Variants in NEBL observed in about 807,000 individuals in gnomAD.
The protein encoded by NEBL is LIM and SH3 protein 2.
Under a neutral mutation model 140.2 loss-of-function variants are expected in NEBL, and 122 were observed. The observed-to-expected ratio is 0.87, with a 90% CI of 0.75 to 1.01. The LOEUF (loss-of-function observed/expected upper bound fraction) is 1.01, where lower values mean the gene tolerates loss of function less well. Ranked by LOEUF, NEBL falls within the 50% of genes least tolerant of loss-of-function variation. NEBL has a pLI of 0.00. For synonymous variants in NEBL, 436 were observed against 398.9 expected (o/e 1.09, Z -1.11); for missense variants, 1,365 against 1,231.3 (o/e 1.11, Z -1.62).
intron 2 of NEBL, among the ~76,000 whole-genome samples, chr10:21,057,970 A>C (rs984897879): frequency 1.3e-5 from 2 of 152,198 alleles, no homozygotes; most frequent in African/African-American, 4.8e-5. Flanking sequence ...CTCCACCATC[A>C]AAAGGGAAAG....
At chr10:21,136,644 T>G (rs1156629204) in intron 2 of NEBL, among the ~76,000 whole-genome samples, 2 of 152,174 alleles carry the variant, frequency 1.3e-5, no homozygotes, top group Non-Finnish European at 2.9e-5. Context: ...CCAAGTTCCC[T>G]TTTGCCTTCC....
chr10:20,785,997 G>A (rs181983299), intron 27 of NEBL, 74 bp from the exon 28 acceptor site: 46 of 1,373,524 alleles, frequency 3.3e-5, no homozygotes, highest in African/African-American at 2.9e-4. Flanking sequence ...ACAACACACC[G>A]ACCCACACAT....
intron 4 of NEBL, among the ~76,000 whole-genome samples, chr10:20,953,980 CT>C (rs982535495): frequency 2.8e-5 from 4 of 143,342 alleles, no homozygotes; most frequent in African/African-American, 1.1e-4. Flanking sequence ...AAAGATTTTA[CT>C]TGCCTAGACT....
At chr10:20,912,251 C>T (rs1848359661) in intron 4 of NEBL, among the ~76,000 whole-genome samples, 1 of 152,174 alleles carries the variant, frequency 6.6e-6, no homozygotes, top group African/African-American at 2.4e-5. Flanking sequence ...ACAGACGTGG[C>T]TTGCAAGAAA....
At chr10:21,042,120 T>G (rs185082484) in intron 2 of NEBL, among the ~76,000 whole-genome samples, 1 of 152,344 alleles carries the variant, frequency 6.6e-6, no homozygotes, top group East Asian at 1.9e-4. Flanking sequence ...TCCAAAGCTC[T>G]AATGCTAAAA....
At chr10:21,132,075 T>A (rs1199752847) in intron 2 of NEBL, among the ~76,000 whole-genome samples, 6 of 152,208 alleles carry the variant, frequency 3.9e-5, no homozygotes, top group African/African-American at 7.2e-5. Flanking sequence ...AACCATTATA[T>A]AAATCTAGAG....
At chr10:21,109,550 A>G (rs944819722) in intron 2 of NEBL, among the ~76,000 whole-genome samples, 3 of 151,990 alleles carry the variant, frequency 2.0e-5, no homozygotes, top group Non-Finnish European at 4.4e-5. Context: ...TTTTCTATTG[A>G]TTGGAATGGT....
chr10:20,919,784 G>A (rs548141894), intron 4 of NEBL, among the ~76,000 whole-genome samples: 55 of 152,048 alleles, frequency 3.6e-4, no homozygotes, highest in African/African-American at 1.2e-3. Flanking sequence ...TCAAAATCCG[G>A]AACCTACAGG....
At chr10:21,014,545 T>A (rs1311410160) in intron 3 of NEBL, among the ~76,000 whole-genome samples, 1 of 152,200 alleles carries the variant, frequency 6.6e-6, no homozygotes, top group African/African-American at 2.4e-5. Flanking sequence ...AGTCAGGGAT[T>A]CTTTGCTTTG....
chr10:20,937,759 A>C (rs115191718), intron 4 of NEBL, among the ~76,000 whole-genome samples: 3,439 of 152,210 alleles, frequency 0.023, 131 homozygotes, highest in African/African-American at 0.076. Context: ...CACTTTTCCG[A>C]CGGTTTTAGC....
At chr10:21,186,401 T>C (rs774763461) in intron 3 of NEBL, among the ~76,000 whole-genome samples, 5 of 151,960 alleles carry the variant, frequency 3.3e-5, no homozygotes, top group Non-Finnish European at 2.9e-5. Context: ...TGAGGGTGTA[T>C]ACGTGTGTAT....
intron 26 of NEBL, among the ~76,000 whole-genome samples, chr10:20,787,644 T>C (rs1357991437): frequency 6.6e-6 from 1 of 152,230 alleles, no homozygotes; most frequent in Non-Finnish European, 1.5e-5. Context: ...TGTGATCCTT[T>C]TTGGCATTTT....
intron 4 of NEBL, among the ~76,000 whole-genome samples, chr10:20,944,063 A>G (rs1835035956): frequency 1.3e-5 from 2 of 152,242 alleles, no homozygotes; most frequent in African/African-American, 4.8e-5. Flanking sequence ...ACACACAGTC[A>G]ATAAAAACAA....
chr10:20,943,613 C>G (rs1397568380), intron 4 of NEBL, among the ~76,000 whole-genome samples: 1 of 151,984 alleles, frequency 6.6e-6, no homozygotes, highest in Non-Finnish European at 1.5e-5. Flanking sequence ...GTTGAAAGAG[C>G]CTTACGAATT....
At chr10:20,833,779 G>T (rs890279288) in intron 14 of NEBL, among the ~76,000 whole-genome samples, 1 of 151,178 alleles carries the variant, frequency 6.6e-6, no homozygotes, top group Non-Finnish European at 1.5e-5. Context: ...AAGAAAAAAA[G>T]AATGTCTACT....
intron 2 of NEBL, among the ~76,000 whole-genome samples, chr10:21,052,804 G>T (rs542946918): frequency 5.3e-4 from 80 of 152,238 alleles, no homozygotes; most frequent in African/African-American, 1.9e-3. Context: ...GAGGGCCACC[G>T]GTGGTGCATA....
At position 21,247,776 on chromosome 10, in the gene NEBL, C is replaced by T. The variant is rs1422997085; in HGVS notation, n.348+145G>A. On this transcript the variant is annotated intron_variant and non_coding_transcript_variant, in intron 3 of 8. Coordinates refer to the NEBL transcript ENST00000675702. ...GATGGCTTCACTTCATAACCTAACA[C>T]TTTCTGAAAAAGTGCTGACAAATCA... 9.6e-5 allele frequency: 15 copies of T among 155,596 alleles called. No individual in the cohort carries two copies. The Admixed American group carries it at 9.8e-4, about 10-fold the overall frequency. The allele number at this position is 155,596 out of a possible 1,614,324, so 9.6% of individuals were successfully genotyped here. A position where few individuals can be genotyped will look rare whatever the true frequency, so the allele number is the denominator to read the frequency against.
intron 2 of NEBL, among the ~76,000 whole-genome samples, chr10:21,061,300 A>C (rs1472069338): frequency 6.3e-5 from 9 of 143,620 alleles, no homozygotes; most frequent in Non-Finnish European, 1.4e-4. Context: ...AACATATTAC[A>C]TATTATGTGA....
chr10:20,802,448 C>T (rs753032486), intron 26 of NEBL, among the ~76,000 whole-genome samples: 1 of 151,496 alleles, frequency 6.6e-6, no homozygotes, highest in Non-Finnish European at 1.5e-5. Context: ...GTTCTTAAAT[C>T]AAAGTAACAC....
Sources: gnomAD v4.1 joint callset for allele counts (sites outside exome capture counted in the v4.1 genomes callset) on GRCh38, gnomAD v4.1.1 for gene constraint, MANE v1.5 for transcripts, NCBI Gene and HGNC (gene_info 2026-07-23, HGNC 2026-07-21) for gene names.